Variants in IL1RAPL1 observed in about 807,000 individuals in gnomAD.
IL1RAPL1 encodes interleukin-1 receptor accessory protein-like 1.
Under a neutral mutation model 48.4 loss-of-function variants are expected in IL1RAPL1, and 3 were observed. The ratio of observed to expected loss-of-function variants is 0.06; its 90% confidence interval spans 0.03 to 0.16. The LOEUF is 0.16. IL1RAPL1 is among the 10% of genes least tolerant of loss of function. The pLI is 1.00. For synonymous variants in IL1RAPL1, 185 were observed against 187.7 expected, an observed-to-expected ratio of 0.99 and a Z score of 0.12; for missense variants, 349 against 530.6, an observed-to-expected ratio of 0.66 and a Z score of 3.36.
intron 1 of IL1RAPL1, among the ~76,000 whole-genome samples, chrX:28,693,960 A>G (rs1935204433): frequency 8.9e-6 from 1 of 111,775 alleles, no homozygotes; most frequent in African/African-American, 3.3e-5. Flanking sequence ...CATTTCTCCA[A>G]ATAATTTGTC....
intron 2 of IL1RAPL1, among the ~76,000 whole-genome samples, chrX:29,202,253 G>GA (rs372596131): frequency 1.1e-3 from 128 of 111,599 alleles, no homozygotes; most frequent in Non-Finnish European, 2.2e-3. Context: ...CAACAATCAT[G>GA]AAAAAAAGCT....
chrX:29,705,116 A>G (rs1423795071), intron 6 of IL1RAPL1, among the ~76,000 whole-genome samples: 1 of 112,131 alleles, frequency 8.9e-6, no homozygotes, highest in Non-Finnish European at 1.9e-5. Context: ...TTTTAGAAGA[A>G]CCAATATTTA....
At chrX:29,839,252 G>A (rs1353530256) in intron 6 of IL1RAPL1, among the ~76,000 whole-genome samples, 1 of 112,043 alleles carries the variant, frequency 8.9e-6, no homozygotes, top group Non-Finnish European at 1.9e-5. Context: ...GAGTTGTTGT[G>A]GAGATTAAAA....
chrX:29,590,927 C>T (rs1166075148), intron 5 of IL1RAPL1, among the ~76,000 whole-genome samples: 1 of 112,279 alleles, frequency 8.9e-6, no homozygotes, highest in Non-Finnish European at 1.9e-5. Context: ...CGTGCCATAG[C>T]CATAAACCAA....
At chrX:29,515,702 A>G (rs962996047) in intron 5 of IL1RAPL1, among the ~76,000 whole-genome samples, 1 of 111,758 alleles carries the variant, frequency 8.9e-6, no homozygotes, top group Admixed American at 9.5e-5. Context: ...TTGCTAAAAC[A>G]GAGCCTCACT....
intron 2 of IL1RAPL1, among the ~76,000 whole-genome samples, chrX:29,267,109 A>T (rs772948893): frequency 9.0e-6 from 1 of 110,622 alleles, no homozygotes; most frequent in African/African-American, 3.3e-5. Context: ...TATCCAAACC[A>T]CTCTTTTCCA....
chrX:28,907,534 C>T (rs982461777), intron 2 of IL1RAPL1, among the ~76,000 whole-genome samples: 4 of 112,819 alleles, frequency 3.5e-5, no homozygotes, highest in Non-Finnish European at 5.6e-5. Context: ...GGATTACAGG[C>T]GCAAGCCACT....
At chrX:29,565,307 A>G (rs1922363002) in intron 5 of IL1RAPL1, among the ~76,000 whole-genome samples, 1 of 107,915 alleles carries the variant, frequency 9.3e-6, no homozygotes, top group Non-Finnish European at 1.9e-5. Context: ...TCAAGATATA[A>G]AGAGATAGCA....
intron 2 of IL1RAPL1, among the ~76,000 whole-genome samples, chrX:29,254,894 C>T (rs1422172091): frequency 1.8e-5 from 2 of 111,852 alleles, no homozygotes; most frequent in Admixed American, 1.9e-4. Context: ...TGCTGCTTTT[C>T]ATTTTTATCC....
intron 6 of IL1RAPL1, among the ~76,000 whole-genome samples, chrX:29,880,114 A>C (rs890416871): frequency 7.2e-5 from 8 of 111,279 alleles, no homozygotes; most frequent in African/African-American, 2.6e-4. Flanking sequence ...CAGGTATTTC[A>C]GTTATAATTT....
At chrX:28,863,409 C>A (rs1314756645) in intron 2 of IL1RAPL1, among the ~76,000 whole-genome samples, 7 of 87,416 alleles carry the variant, frequency 8.0e-5, no homozygotes, top group Non-Finnish European at 1.3e-4. Flanking sequence ...AATGATTTGG[C>A]CTACGGGCCT....
chrX:29,336,071 A>AT (rs1163018413), intron 3 of IL1RAPL1, among the ~76,000 whole-genome samples: 1 of 106,028 alleles, frequency 9.4e-6, no homozygotes, highest in Non-Finnish European at 1.9e-5. Flanking sequence ...GTATTAAAAA[A>AT]ATATATATGT....
intron 3 of IL1RAPL1, among the ~76,000 whole-genome samples, chrX:29,300,904 C>T (rs1932523729): frequency 9.0e-6 from 1 of 111,059 alleles, no homozygotes; most frequent in South Asian, 3.7e-4. Context: ...TTACCCTAAT[C>T]GCCCCCCCTG....
intron 6 of IL1RAPL1, among the ~76,000 whole-genome samples, chrX:29,706,402 G>A (rs1927195753): frequency 8.9e-6 from 1 of 111,791 alleles, no homozygotes; most frequent in Admixed American, 9.5e-5. Context: ...GACAAGGCAA[G>A]TCTCTTCCAC....
At position 29,831,554 on chromosome X, in the gene IL1RAPL1, C is replaced by T. The variant is rs553804721; in HGVS notation, c.779-85910C>T. Reference sequence around the variant, plus strand: ...ACATGAATCAGACTATAAGGGTTTTCGTTGTTGTGCTAAGAAATTTGGGCT... The same window carrying T: ...ACATGAATCAGACTATAAGGGTTTTTGTTGTTGTGCTAAGAAATTTGGGCT... On this transcript the variant is annotated intron_variant, in intron 6 of 10. Transcript: ENST00000378993. 1.8e-4 allele frequency among the ~76,000 whole-genome samples: 20 copies of T among 111,853 alleles called. No individual in the cohort carries two copies. The South Asian group carries it at 7.5e-3, about 42-fold the overall frequency.
chrX:29,013,726 G>C (rs1303508676), intron 2 of IL1RAPL1, among the ~76,000 whole-genome samples: 1 of 110,760 alleles, frequency 9.0e-6, no homozygotes, highest in African/African-American at 3.3e-5. Context: ...GGATGGTGGG[G>C]GAGGGAGAGC....
chrX:29,938,902 C>G (rs922814330), intron 8 of IL1RAPL1, among the ~76,000 whole-genome samples: 6 of 112,207 alleles, frequency 5.3e-5, no homozygotes, highest in African/African-American at 1.6e-4. Flanking sequence ...GCATGTTTTG[C>G]GTATCAGTAG....
chrX:29,235,863 CTT>C (rs1931281914), intron 2 of IL1RAPL1, among the ~76,000 whole-genome samples: 1 of 112,053 alleles, frequency 8.9e-6, no homozygotes, highest in Admixed American at 9.5e-5. Flanking sequence ...CTGGTGCACT[CTT>C]TTCTCCCGGA....
chrX:29,685,752 C>G (rs749372655), intron 6 of IL1RAPL1, among the ~76,000 whole-genome samples: 1 of 109,928 alleles, frequency 9.1e-6, no homozygotes, highest in Non-Finnish European at 1.9e-5. Flanking sequence ...TTTGGGAGGC[C>G]GAGGTGGGTG....
Sources: allele counts gnomAD v4.1 joint callset (sites outside exome capture counted in the v4.1 genomes callset), GRCh38; gene constraint gnomAD v4.1.1; transcripts MANE v1.5; gene names NCBI Gene and HGNC (gene_info 2026-07-23, HGNC 2026-07-21).